PCSK1: variants seen among roughly 807,000 people sequenced by gnomAD.
PCSK1 encodes neuroendocrine convertase 1.
Under a neutral mutation model 90.6 loss-of-function variants are expected in PCSK1, and 56 were observed. The ratio of observed to expected loss-of-function variants is 0.62; its 90% confidence interval spans 0.50 to 0.77. The LOEUF is 0.77. Ranked by LOEUF, PCSK1 falls within the 30% of genes least tolerant of loss-of-function variation. The pLI is 0.00. For missense variants in PCSK1, 801 were observed against 932.6 expected (o/e 0.86, Z 1.84); for synonymous variants, 348 against 342.4 (o/e 1.02, Z -0.18).
rs1337927241 is a variant in PCSK1 at position 96,398,929 on chromosome 5, A to G, written c.1538T>C (p.Ile513Thr). The G allele has an allele frequency of 1.9e-6, 3 of 1,613,512 alleles. No homozygotes were observed. Among genetic ancestry groups the G allele is most frequent in the Non-Finnish European group, 2.5e-6 (3 of 1,179,570 alleles). Reference sequence around the variant, plus strand: ...AAGGTCTCCTCTTCGGGAATATTCAATTGTTGCTTCAAATTGTACATGCTC... The same window carrying G: ...AAGGTCTCCTCTTCGGGAATATTCAGTTGTTGCTTCAAATTGTACATGCTC... Reference protein sequence around the residue: ...SLEHVQFEATIEYSRRGDLHV... With the variant: ...SLEHVQFEATTEYSRRGDLHV... Residue 513 changes from isoleucine (I) to threonine (T), a missense_variant, in exon 11 of 14, where the codon ATT becomes ACT. Coordinates refer to ENST00000311106, the MANE Select transcript of PCSK1 (RefSeq NM_000439.5).
chr5:96,398,799 A>T, intron 11 of PCSK1, 80 bp downstream of exon 11: 1 of 1,149,672 alleles, frequency 8.7e-7, no homozygotes, highest in Non-Finnish European at 1.3e-6. Flanking sequence ...TTGTTCTATG[A>T]ATAAACAAAA....
intron 2 of PCSK1, among the ~76,000 whole-genome samples, chr5:96,428,093 T>G (rs1761374972): frequency 6.6e-6 from 1 of 152,190 alleles, no homozygotes; most frequent in African/African-American, 2.4e-5. Flanking sequence ...CGAACACTGG[T>G]GACCCAGGCC....
At chr5:96,430,652 A>G (rs1761461812) in intron 1 of PCSK1, among the ~76,000 whole-genome samples, 1 of 152,228 alleles carries the variant, frequency 6.6e-6, no homozygotes. Flanking sequence ...CAAAAAGAGA[A>G]ATAAGCAGAA....
intron 2 of PCSK1, among the ~76,000 whole-genome samples, chr5:96,426,169 T>C (rs1267026041): frequency 6.6e-6 from 1 of 152,188 alleles, no homozygotes; most frequent in Non-Finnish European, 1.5e-5. Context: ...AGTGAAATGA[T>C]AATTCCCTAA....
chr5:96,425,336 A>G lies in PCSK1; in HGVS notation c.396+484T>C, dbSNP rs527739223. On this transcript the variant is annotated intron_variant, in intron 3 of 13. Transcript: ENST00000311106. ...AAGGTAGAATGGTTTGCAAGTCTAG[A>G]CATTTGCAATAGACTTTTCTTGTGT... Among the ~76,000 whole-genome samples, 389 of 152,348 alleles carry G rather than the reference A, an allele frequency of 2.6e-3. 1 individual carries two copies. Among genetic ancestry groups the G allele is most frequent in the African/African-American group, 8.5e-3 (354 of 41,578 alleles).
In PCSK1 at chr5:96,429,240, G is replaced by T; in HGVS notation, c.258C>A (p.Ile86=). Reference sequence around the variant, plus strand: ...GATCATCATCAGATAATCTCTTAGTGATATGAAAGGCACTCCTTCGAGACC... The same window carrying T: ...GATCATCATCAGATAATCTCTTAGTTATATGAAAGGCACTCCTTCGAGACC... ...PRRSRRSAFH[I]TKRLSDDDRV... Residue 86 remains isoleucine, a synonymous_variant, in exon 2 of 14, where the codon ATC becomes ATA. Transcript: ENST00000311106. The T allele has an allele frequency of 6.3e-7, 1 of 1,586,292 alleles. No individual in the cohort carries two copies. Among genetic ancestry groups the T allele is most frequent in the Non-Finnish European group, 8.7e-7 (1 of 1,154,834 alleles).
intron 1 of PCSK1, chr5:96,431,960 G>T (rs1027699629): frequency 2.1e-5 from 15 of 720,538 alleles, no homozygotes; most frequent in Non-Finnish European, 3.2e-5. Context: ...GAATCGCTCA[G>T]CTATAAGCAG....
chr5:96,405,126 C>T (rs1484724229), intron 9 of PCSK1, among the ~76,000 whole-genome samples: 1 of 152,086 alleles, frequency 6.6e-6, no homozygotes, highest in Non-Finnish European at 1.5e-5. Flanking sequence ...CAATTGAGAA[C>T]AGAAATCTTA....
chr5:96,423,562 G>T, intron 3 of PCSK1, 103 bp from the exon 4 acceptor site: 1 of 1,034,322 alleles, frequency 9.7e-7, no homozygotes, highest in Non-Finnish European at 1.5e-6. Flanking sequence ...TTTTCCTTGG[G>T]TCACTCTACT....
At chr5:96,426,015 A>C in intron 2 of PCSK1, 85 bp from the exon 3 acceptor site, 1 of 775,986 alleles carries the variant, frequency 1.3e-6, no homozygotes, top group Non-Finnish European at 2.2e-6. Context: ...TACCCTTCCC[A>C]TCAGAGTTCA....
At chr5:96,427,671 G>A (rs913940366) in intron 2 of PCSK1, among the ~76,000 whole-genome samples, 7 of 152,136 alleles carry the variant, frequency 4.6e-5, no homozygotes, top group African/African-American at 1.7e-4. Flanking sequence ...GATACTTTGA[G>A]TAAGAATAAC....
Position 96,392,904 on chromosome 5 carries a change from A to ACT in PCSK1, c.*96_*97insAG. ...AGGTGCCACAAAGGATATTATAAGCATAAGAATTCATGACAAAACAACCAC... is the reference window on the plus strand; with the variant it reads ...AGGTGCCACAAAGGATATTATAAGCACTTAAGAATTCATGACAAAACAACCAC... On this transcript the variant is annotated 3_prime_UTR_variant, in exon 14 of 14. Coordinates refer to ENST00000311106, the MANE Select transcript of PCSK1 (RefSeq NM_000439.5). 1 of 1,212,600 alleles carries ACT rather than the reference A, an allele frequency of 8.2e-7. No homozygotes were observed. Among genetic ancestry groups the ACT allele is most frequent in the Admixed American group, 1.7e-5 (1 of 58,996 alleles). 75.1% of individuals were successfully genotyped at this position (1,212,600 alleles called of 1,614,324 possible).
intron 12 of PCSK1, among the ~76,000 whole-genome samples, chr5:96,396,771 G>A (rs1234904106): frequency 6.6e-6 from 1 of 152,080 alleles, no homozygotes; most frequent in African/African-American, 2.4e-5. Context: ...GTGACTGTGT[G>A]TTAAAATTAC....
chr5:96,410,517 A>G (rs1760718648), intron 8 of PCSK1, among the ~76,000 whole-genome samples: 1 of 151,930 alleles, frequency 6.6e-6, no homozygotes, highest in Non-Finnish European at 1.5e-5. Flanking sequence ...GCTGTGTGTA[A>G]TGACAGGTTT....
At position 96,393,120 on chromosome 5, in the gene PCSK1, C is replaced by A. The variant is rs774886644; in HGVS notation, c.2143G>T (p.Asp715Tyr). The A allele has an allele frequency of 1.2e-6, 2 of 1,614,150 alleles. No homozygotes were observed. Residue 715 changes from aspartate (D) to tyrosine (Y), a missense_variant, in exon 14 of 14, where the codon GAC becomes TAC. Physicochemically the swap from Asp to Tyr is radical, Grantham distance 160. Transcript: ENST00000311106. The part of the protein sequence containing the change: ...EKLNKPSQLK[D>Y]SEDSLYNDYV... ...TCATTATACAGACTGTCTTCAGAGT[C>A]TTTAAGCTGGGAAGGTTTGTTCAGC... is the stretch of plus-strand genomic sequence containing the variant.
At chr5:96,400,858 C>A (rs1296920269) in intron 9 of PCSK1, among the ~76,000 whole-genome samples, 1 of 119,844 alleles carries the variant, frequency 8.3e-6, no homozygotes, top group East Asian at 2.4e-4. Context: ...GAGGCCGAGG[C>A]GGGCGGATCA....
intron 6 of PCSK1, among the ~76,000 whole-genome samples, chr5:96,412,752 GTTTTTTTT>G (rs57397343): frequency 1.4e-5 from 1 of 71,806 alleles, no homozygotes; most frequent in African/African-American, 9.0e-5. Context: ...CAGCTGTGAT[GTTTTTTTT>G]TTTTTTTTTT....
At position 96,393,160 on chromosome 5, in the gene PCSK1, G is replaced by A. The variant is rs149384979; in HGVS notation, c.2103C>T (p.Tyr701=). The A allele has an allele frequency of 1.0e-4, 164 of 1,614,018 alleles. No homozygotes were observed. Among genetic ancestry groups the A allele is most frequent in the Middle Eastern group, 1.6e-4 (1 of 6,084 alleles). ...AKLNIPYENF[Y]EALEKLNKPS... ...GTTTGTTCAGCTTTTCCAGGGCTTC[G>A]TAGAAGTTTTCATAAGGGATGTTGA... The change falls in exon 14 of 14, where the codon TAC becomes TAT. Residue 701 remains tyrosine (Y), a synonymous_variant. Transcript: ENST00000311106.
chr5:96,413,964 A>C (rs978692917), intron 6 of PCSK1, among the ~76,000 whole-genome samples: 13 of 96,512 alleles, frequency 1.3e-4, no homozygotes, highest in African/African-American at 7.6e-4. Flanking sequence ...CTAAAAATAC[A>C]AAAAAAAAAA....
Sources: allele counts gnomAD v4.1 joint callset (sites outside exome capture counted in the v4.1 genomes callset), GRCh38; gene constraint gnomAD v4.1.1; transcripts MANE v1.5; gene names NCBI Gene and HGNC (gene_info 2026-07-23, HGNC 2026-07-21).